The following GAB1 variants were observed in gnomAD, a reference collection of about 807,000 sequenced individuals.
The protein encoded by GAB1 is GRB2-associated-binding protein 1.
GAB1 carries 19 observed loss-of-function variants against 66.5 expected under a neutral mutation model. That is an observed-to-expected ratio of 0.29 (90% confidence interval 0.20 to 0.42). The LOEUF is 0.42. GAB1 is among the 10% of genes least tolerant of loss of function. The pLI, the probability that GAB1 is intolerant of heterozygous loss-of-function variation, is 1.00. For synonymous variants in GAB1, 294 were observed against 301.4 expected, an observed-to-expected ratio of 0.98 and a Z score of 0.25; for missense variants, 732 against 858.5, an observed-to-expected ratio of 0.85 and a Z score of 1.84.
In GAB1 at chr4:143,421,678, TTTTTC is replaced by T. The variant is rs1217207033; in HGVS notation, c.367+5927_367+5931del. 5.6e-5 allele frequency among the ~76,000 whole-genome samples: 8 copies of T among 143,504 alleles called. No homozygotes were observed. The East Asian group carries it at 1.2e-3, about 21-fold the overall frequency. 94.1% of individuals were successfully genotyped at this position (143,504 alleles called of 152,430 possible). A position where few individuals can be genotyped will look rare whatever the true frequency, so the allele number is the denominator to read the frequency against. ...TTTTTAGGTTTTTTTTCTTTTTCTT[TTTTTC>T]TTTTCTTTTCTTTTCTTTTTTTTTT... is the stretch of plus-strand genomic sequence containing the variant. On this transcript the variant is annotated intron_variant, in intron 2 of 9. Transcript: ENST00000262994.
intron 1 of GAB1, among the ~76,000 whole-genome samples, chr4:143,393,372 AAGGGC>A (rs1225749456): frequency 6.6e-6 from 1 of 152,136 alleles, no homozygotes; most frequent in African/African-American, 2.4e-5. Flanking sequence ...TTAAGTGGTT[AAGGGC>A]ACAGGCTCTG....
intron 1 of GAB1, among the ~76,000 whole-genome samples, chr4:143,347,679 C>G (rs1729034974): frequency 1.3e-5 from 2 of 152,194 alleles, no homozygotes; most frequent in Admixed American, 1.3e-4. Context: ...ATAGGTTGCA[C>G]TTAGTTCTAC....
chr4:143,460,531 A>T, intron 8 of GAB1, 44 bp downstream of exon 8: 1 of 1,591,368 alleles, frequency 6.3e-7, no homozygotes, highest in Admixed American at 1.7e-5. Flanking sequence ...AGCCCTTTTC[A>T]GTCATTCAAG....
At chr4:143,372,571 A>G (rs976786271) in intron 1 of GAB1, among the ~76,000 whole-genome samples, 1 of 152,230 alleles carries the variant, frequency 6.6e-6, no homozygotes, top group African/African-American at 2.4e-5. Context: ...TTGGGTCTGA[A>G]GTCATTCTGA....
intron 1 of GAB1, among the ~76,000 whole-genome samples, chr4:143,350,777 T>G (rs912807050): frequency 6.6e-6 from 1 of 152,050 alleles, no homozygotes; most frequent in African/African-American, 2.4e-5. Context: ...TAAAAATATG[T>G]ATTTAGGAGC....
intron 2 of GAB1, among the ~76,000 whole-genome samples, chr4:143,430,423 A>G (rs1005863793): frequency 6.6e-6 from 1 of 152,216 alleles, no homozygotes; most frequent in Non-Finnish European, 1.5e-5. Context: ...AAGAAGATTA[A>G]ACATCATTTT....
chr4:143,403,065 TC>T (rs921998868), intron 1 of GAB1, among the ~76,000 whole-genome samples: 11 of 152,350 alleles, frequency 7.2e-5, no homozygotes, highest in African/African-American at 2.6e-4. Context: ...TTATCTTGTG[TC>T]AACTGCACAT....
chr4:143,390,508 A>G (rs966842219), intron 1 of GAB1, among the ~76,000 whole-genome samples: 22 of 151,602 alleles, frequency 1.5e-4, no homozygotes, highest in African/African-American at 5.1e-4. Flanking sequence ...TACCAACCTC[A>G]CTACTCTTTT....
In GAB1 at chr4:143,433,659, A is replaced by G. The variant is rs756698188; in HGVS notation, c.536A>G (p.Asp179Gly). The G allele has an allele frequency of 6.2e-7, 1 of 1,614,008 alleles. No homozygotes were observed. Among genetic ancestry groups the G allele is most frequent in the South Asian group, 1.1e-5 (1 of 91,080 alleles). The change falls in exon 3 of 10, where the codon GAT (aspartate) becomes GGT (glycine). Residue 179 changes from aspartate to glycine, a missense_variant. Physicochemically the swap from Asp to Gly is moderately conservative, Grantham distance 94. Transcript: ENST00000262994. Reference sequence around the variant, plus strand: ...CTGGAAACTCTTGGCATTCAGGAGGATCCTCAAGACTACCTGTTGCTCATC... The same window carrying G: ...CTGGAAACTCTTGGCATTCAGGAGGGTCCTCAAGACTACCTGTTGCTCATC... The part of the protein sequence containing the change: ...PHLETLGIQE[D>G]PQDYLLLINC...
chr4:143,355,753 C>T (rs978615601), intron 1 of GAB1, among the ~76,000 whole-genome samples: 1 of 152,098 alleles, frequency 6.6e-6, no homozygotes, highest in African/African-American at 2.4e-5. Flanking sequence ...GGAAAAAATT[C>T]TTTCCTCATC....
intron 1 of GAB1, among the ~76,000 whole-genome samples, chr4:143,373,891 ACCTT>A (rs1730296176): frequency 2.1e-5 from 3 of 141,024 alleles, no homozygotes; most frequent in Non-Finnish European, 3.1e-5. Context: ...ATATATTTTT[ACCTT>A]TCTAACATTG....
intron 2 of GAB1, among the ~76,000 whole-genome samples, chr4:143,430,503 C>G (rs1733597814): frequency 6.6e-6 from 1 of 152,130 alleles, no homozygotes; most frequent in African/African-American, 2.4e-5. Context: ...CAGGAGCCCT[C>G]TGTAGCATCC....
At chr4:143,459,259 A>C in intron 6 of GAB1, 126 bp from the exon 7 acceptor site, 1 of 658,996 alleles carries the variant, frequency 1.5e-6, no homozygotes, top group Admixed American at 2.4e-5. Flanking sequence ...CTCATTTCAC[A>C]TGTGAAACTA....
chr4:143,382,113 C>T (rs893398749), intron 1 of GAB1: 3 of 152,152 alleles, frequency 2.0e-5, no homozygotes, highest in South Asian at 2.1e-4. Context: ...TTCTTTTACT[C>T]TACAACCTTT....
intron 1 of GAB1, among the ~76,000 whole-genome samples, chr4:143,346,602 A>C (rs1307310152): frequency 2.6e-5 from 4 of 152,216 alleles, no homozygotes; most frequent in Admixed American, 2.6e-4. Context: ...GCTGTTGTGT[A>C]GAGCTTGATG....
chr4:143,339,778 A>G (rs959455214), intron 1 of GAB1, among the ~76,000 whole-genome samples: 17 of 152,210 alleles, frequency 1.1e-4, no homozygotes, highest in Non-Finnish European at 1.6e-4. Flanking sequence ...CTGAGGAACA[A>G]GTTCAATGTA....
chr4:143,441,035 T>C (rs1341323226), intron 6 of GAB1, among the ~76,000 whole-genome samples: 2 of 152,218 alleles, frequency 1.3e-5, no homozygotes, highest in Admixed American at 1.3e-4. Flanking sequence ...ATATAACAAC[T>C]TCTTAAAAAT....
intron 7 of GAB1, among the ~76,000 whole-genome samples, chr4:143,459,921 G>A (rs1735395638): frequency 1.3e-5 from 2 of 152,098 alleles, no homozygotes; most frequent in African/African-American, 2.4e-5. Context: ...AAATATGGTA[G>A]TCTCTTGTGG....
chr4:143,342,699 AG>A (rs1169086497), intron 1 of GAB1, among the ~76,000 whole-genome samples: 2 of 151,770 alleles, frequency 1.3e-5, no homozygotes, highest in Non-Finnish European at 2.9e-5. Flanking sequence ...CTGGGATTAC[AG>A]GCTCCTGCCA....
Sources: gnomAD v4.1 joint callset for allele counts (sites outside exome capture counted in the v4.1 genomes callset) on GRCh38, gnomAD v4.1.1 for gene constraint, MANE v1.5 for transcripts, NCBI Gene and HGNC (gene_info 2026-07-23, HGNC 2026-07-21) for gene names.